Variants in PDE4DIP observed in about 807,000 individuals in gnomAD.
PDE4DIP encodes phosphodiesterase 4D interacting protein.
In PDE4DIP, 59 loss-of-function variants were observed where a neutral mutation model predicts 221.4. The observed-to-expected ratio is 0.27, with a 90% confidence interval of 0.22 to 0.33. The LOEUF (loss-of-function observed/expected upper bound fraction) is 0.33. Among genes scored for constraint, PDE4DIP ranks in the 10% least tolerant of loss-of-function variants. The pLI is 1.00. For synonymous variants in PDE4DIP, 404 were observed against 815.9 expected, an observed-to-expected ratio of 0.50 and a Z score of 8.60; for missense variants, 1,036 against 2,154.2, an observed-to-expected ratio of 0.48 and a Z score of 10.28.
In PDE4DIP at chr1:148,933,396, G is replaced by A. The variant is rs183650315; in HGVS notation, c.518+1108G>A. 9.8e-3 allele frequency among the ~76,000 whole-genome samples: 1,489 copies of A among 152,210 alleles called. 2 individuals are homozygous for A. The highest frequency in any genetic ancestry group is 0.015 in the Admixed American group (233 of 15,292). Reference sequence around the variant, plus strand: ...TGCCAGCTTTGTATACCATTATAAGGAACTTGGACTTTGTCCTGAAGGTAA... The same window carrying A: ...TGCCAGCTTTGTATACCATTATAAGAAACTTGGACTTTGTCCTGAAGGTAA... On this transcript the variant is annotated intron_variant, in intron 4 of 43. Transcript: ENST00000369354.
In PDE4DIP at chr1:148,962,619, G is replaced by A. The variant is rs201567215; in HGVS notation, c.1173G>A (p.Glu391=). The A allele has an allele frequency of 4.1e-4, 236 of 582,224 alleles. 2 individuals are homozygous for A. The East Asian group carries it at 5.3e-3, about 13-fold the overall frequency. The allele number at this position is 582,224 out of a possible 1,614,324, so 36.1% of individuals were successfully genotyped here. ...CACACGAGAGTGAACAGCAGAAAGA[G>A]GCTTCTTGGAAACATAACCAGGTAA... The change falls in exon 9 of 44, where the codon GAG becomes GAA. Residue 391 remains glutamate, a synonymous_variant. Transcript: ENST00000369354.
At chr1:148,948,777 A>G (rs1382046751) in intron 5 of PDE4DIP, among the ~76,000 whole-genome samples, 3 of 151,504 alleles carry the variant, frequency 2.0e-5, no homozygotes, top group Non-Finnish European at 4.4e-5. Flanking sequence ...CCAAAACAAG[A>G]TACAGAACAG....
intron 1 of PDE4DIP, among the ~76,000 whole-genome samples, chr1:148,919,222 G>A (rs1362546567): frequency 6.7e-6 from 1 of 149,936 alleles, no homozygotes; most frequent in Admixed American, 6.6e-5. Flanking sequence ...TAGGTGGCTA[G>A]GTGTCTCACA....
At chr1:148,954,419 G>A (rs373344674) in intron 5 of PDE4DIP, among the ~76,000 whole-genome samples, 5 of 150,924 alleles carry the variant, frequency 3.3e-5, no homozygotes, top group East Asian at 2.0e-4. Flanking sequence ...TTTGGGGAAA[G>A]CCTATTAATC....
At chr1:149,024,135 AT>A (rs1553623873) in intron 37 of PDE4DIP, 1 of 214,936 alleles carries the variant, frequency 4.7e-6, no homozygotes, top group Non-Finnish European at 9.1e-6. Flanking sequence ...ACCTTGGAGT[AT>A]CCTATACTTT....
chr1:148,876,928 C>T (rs1424135896), intron 3 of PDE4DIP, among the ~76,000 whole-genome samples: 7 of 138,060 alleles, frequency 5.1e-5, no homozygotes, highest in Admixed American at 2.8e-4. Flanking sequence ...GCAGGAGAAT[C>T]GCTTGAACCC....
intron 17 of PDE4DIP, among the ~76,000 whole-genome samples, chr1:148,974,928 C>T (rs587760131): frequency 4.5e-4 from 39 of 86,766 alleles, no homozygotes; most frequent in African/African-American, 5.5e-4. Flanking sequence ...CTTTGGGAGG[C>T]CGAGGTGGGC....
chr1:148,832,719 A>G (rs1483139527), intron 1 of PDE4DIP, among the ~76,000 whole-genome samples: 1 of 151,514 alleles, frequency 6.6e-6, no homozygotes, highest in Non-Finnish European at 1.5e-5. Flanking sequence ...GGTTCTGTTT[A>G]TATGCTGATT....
chr1:149,013,748 C>T (rs2152619768), intron 32 of PDE4DIP, among the ~76,000 whole-genome samples: 1 of 102,012 alleles, frequency 9.8e-6, no homozygotes, highest in Admixed American at 1.0e-4. Flanking sequence ...CCCCAAATGT[C>T]ATGTGGACCA....
chr1:148,950,455 C>T (rs1553486549), intron 5 of PDE4DIP, among the ~76,000 whole-genome samples: 2 of 152,290 alleles, frequency 1.3e-5, no homozygotes, highest in Non-Finnish European at 2.9e-5. Flanking sequence ...AATTCTATAG[C>T]CTATGATATT....
intron 2 of PDE4DIP, chr1:148,929,500 C>T (rs1747894): frequency 1.8e-5 from 9 of 497,432 alleles, no homozygotes; most frequent in African/African-American, 7.8e-5. Flanking sequence ...AGACCTAAGA[C>T]TGCAAACTTC....
intron 3 of PDE4DIP, among the ~76,000 whole-genome samples, chr1:148,881,673 TA>T (rs1389860040): frequency 1.3e-5 from 2 of 148,624 alleles, no homozygotes; most frequent in African/African-American, 5.1e-5. Context: ...TGAAAAGGTA[TA>T]GGGGGCCTGA....
At chr1:148,949,176 T>A (rs1296571716) in intron 5 of PDE4DIP, among the ~76,000 whole-genome samples, 4 of 152,096 alleles carry the variant, frequency 2.6e-5, no homozygotes, top group Non-Finnish European at 5.9e-5. Flanking sequence ...TTTATATATT[T>A]AAGTACAAAA....
intron 37 of PDE4DIP, among the ~76,000 whole-genome samples, chr1:149,023,494 G>A (rs1397224854): frequency 1.4e-5 from 2 of 146,220 alleles, no homozygotes; most frequent in Non-Finnish European, 3.0e-5. Flanking sequence ...TTCATCCCCA[G>A]TACAAAGAAA....
intron 1 of PDE4DIP, among the ~76,000 whole-genome samples, chr1:148,917,137 A>G (rs2044270809): frequency 6.6e-6 from 1 of 150,824 alleles, no homozygotes; most frequent in African/African-American, 2.5e-5. Flanking sequence ...GATCATGGGT[A>G]TTTATGTGTA....
At chr1:148,978,300 A>T (rs1224754588) in exon 19 of PDE4DIP, 2 of 1,610,704 alleles carry the variant, frequency 1.2e-6, no homozygotes, top group Admixed American at 1.7e-5. Flanking sequence ...CAACTGGTTG[A>T]TCCTGAAGAC....
chr1:149,009,864 C>T (rs1184398103), intron 30 of PDE4DIP, 73 bp downstream of exon 33: 1 of 1,098,262 alleles, frequency 9.1e-7, no homozygotes, highest in Non-Finnish European at 1.4e-6. Context: ...GGGCTTATAG[C>T]TCCACCATGG....
chr1:148,951,728 G>A (rs1249505938), intron 5 of PDE4DIP, among the ~76,000 whole-genome samples: 3 of 152,312 alleles, frequency 2.0e-5, no homozygotes, highest in Admixed American at 6.5e-5. Context: ...TGTATGTGCC[G>A]GACTCTTTCT....
chr1:148,859,746 C>G (rs1397443757), intron 1 of PDE4DIP, among the ~76,000 whole-genome samples: 1 of 137,734 alleles, frequency 7.3e-6, no homozygotes, highest in African/African-American at 2.9e-5. Context: ...AAATTTTTTT[C>G]TGAACTTGGG....
Sources: allele counts gnomAD v4.1 joint callset (sites outside exome capture counted in the v4.1 genomes callset), GRCh38; gene constraint gnomAD v4.1.1; transcripts MANE v1.5; gene names NCBI Gene and HGNC (gene_info 2026-07-23, HGNC 2026-07-21).